Variants in ATP2B1 observed in about 807,000 individuals in gnomAD.
ATP2B1 encodes plasma membrane calcium-transporting ATPase 1.
A neutral mutation model predicts 124.2 loss-of-function variants in ATP2B1; 14 were observed. That is an observed-to-expected ratio of 0.11 (90% CI 0.07 to 0.18). The LOEUF is 0.18. Among genes scored for constraint, ATP2B1 ranks in the 10% least tolerant of loss-of-function variants. The pLI, the probability that ATP2B1 is intolerant of heterozygous loss-of-function variation, is 1.00. For missense variants in ATP2B1, 763 were observed against 1,466.1 expected, an observed-to-expected ratio of 0.52 and a Z score of 7.83; for synonymous variants, 449 against 492.4, an observed-to-expected ratio of 0.91 and a Z score of 1.17.
chr12:89,602,993 T>C (rs1281157242), intron 18 of ATP2B1, 50 bp downstream of exon 18: 2 of 1,520,760 alleles, frequency 1.3e-6, no homozygotes, highest in African/African-American at 2.7e-5. Flanking sequence ...GTTTACCTAA[T>C]GTCTCCCATT....
chr12:89,665,204 TTG>T (rs1394451609), intron 1 of ATP2B1, among the ~76,000 whole-genome samples: 5 of 152,204 alleles, frequency 3.3e-5, no homozygotes, highest in African/African-American at 9.7e-5. Context: ...GTTGATTTTT[TTG>T]TGTGTTTTGA....
chr12:89,705,660 C>A (rs1014675910), intron 1 of ATP2B1, among the ~76,000 whole-genome samples: 2 of 152,118 alleles, frequency 1.3e-5, no homozygotes, highest in Non-Finnish European at 2.9e-5. Flanking sequence ...ATCAAGGAAT[C>A]TATGAAAGTA....
chr12:89,662,137 CTTTT>C (rs74395562), intron 1 of ATP2B1, among the ~76,000 whole-genome samples: 5 of 139,186 alleles, frequency 3.6e-5, no homozygotes, highest in African/African-American at 5.2e-5. Flanking sequence ...ATCTTTCTTT[CTTTT>C]TTTTTTTTTT....
chr12:89,591,374 C>T, intron 20 of ATP2B1, 79 bp from the exon 21 acceptor site: 2 of 1,250,066 alleles, frequency 1.6e-6, no homozygotes, highest in South Asian at 2.9e-5. Context: ...AGTTTGAATC[C>T]ACAAACAGCT....
intron 1 of ATP2B1, among the ~76,000 whole-genome samples, chr12:89,664,831 T>C (rs532377571): frequency 4.0e-5 from 6 of 151,868 alleles, no homozygotes; most frequent in Admixed American, 6.6e-5. Flanking sequence ...AAATTACTTA[T>C]GGTTCTTTAT....
intron 5 of ATP2B1, among the ~76,000 whole-genome samples, chr12:89,632,526 T>C (rs1263218399): frequency 6.6e-6 from 1 of 152,220 alleles, no homozygotes; most frequent in African/African-American, 2.4e-5. Flanking sequence ...ACTCCAATTG[T>C]TTAGGTTCTA....
chr12:89,632,714 G>A (rs905220213), intron 5 of ATP2B1, among the ~76,000 whole-genome samples: 3 of 152,158 alleles, frequency 2.0e-5, no homozygotes, highest in Non-Finnish European at 4.4e-5. Context: ...AAAAATAAAT[G>A]CATGTCATGT....
At chr12:89,622,384 T>C (rs1055849158) in intron 9 of ATP2B1, among the ~76,000 whole-genome samples, 1 of 152,040 alleles carries the variant, frequency 6.6e-6, no homozygotes, top group Non-Finnish European at 1.5e-5. Context: ...GCTGGCAGAC[T>C]TGGCATTTTC....
chr12:89,685,509 C>T (rs1285546488), intron 1 of ATP2B1, among the ~76,000 whole-genome samples: 1 of 152,074 alleles, frequency 6.6e-6, no homozygotes, highest in Non-Finnish European at 1.5e-5. Context: ...GGTCCCCAGA[C>T]TAGCAGTATC....
At position 89,610,029 on chromosome 12, in the gene ATP2B1, T is replaced by C; in HGVS notation, c.2350A>G (p.Thr784Ala). The C allele has an allele frequency of 6.2e-7, 1 of 1,613,322 alleles. No individual in the cohort carries two copies. The change falls in exon 15 of 21, where the codon ACT (threonine) becomes GCT (alanine). Residue 784 changes from threonine (T) to alanine (A), a missense_variant. By Grantham distance (58) the Thr-to-Ala change is moderately conservative. Coordinates refer to ENST00000428670, the MANE Select transcript of ATP2B1 (RefSeq NM_001366521.1). ...ACAACCTGGCGTTGGTCTGAGACAG[T>C]GCTGTCAATTATACCTTAAATACAA... The part of the protein sequence containing the change: ...HTLVKGIIDS[T>A]VSDQRQVVAV...
intron 1 of ATP2B1, among the ~76,000 whole-genome samples, chr12:89,687,559 C>A (rs1428470682): frequency 6.6e-6 from 1 of 151,960 alleles, no homozygotes; most frequent in Non-Finnish European, 1.5e-5. Flanking sequence ...ATTAATCCCC[C>A]ATGGAAACTG....
chr12:89,706,458 C>T (rs1892466477), intron 1 of ATP2B1, among the ~76,000 whole-genome samples: 1 of 151,900 alleles, frequency 6.6e-6, no homozygotes, highest in African/African-American at 2.4e-5. Context: ...TTCAAACCAC[C>T]TATTAAAAGC....
At position 89,603,208 on chromosome 12, in the gene ATP2B1, A is replaced by G. The variant is rs758129782; in HGVS notation, c.2895T>C (p.His965=). ...DIDSGRNAPL[H]APPSEHYTIV... is the part of the protein sequence containing the mutation. The stretch of plus-strand genomic sequence containing the variant: ...TAGTATAATGTTCTGAAGGAGGAGC[A>G]TGCAAAGGAGCATTTCTTCCACTAT... The change falls in exon 18 of 21, where the codon CAT becomes CAC. Residue 965 remains histidine (H), a synonymous_variant. Transcript: ENST00000428670. This position sits in a 1 kb window ranked among gnomAD's most constrained non-coding sequence, Gnocchi z 4.3. The G allele has an allele frequency of 3.7e-6, 6 of 1,612,038 alleles. No individual in the cohort carries two copies. Among genetic ancestry groups the G allele is most frequent in the Non-Finnish European group, 5.1e-6 (6 of 1,179,052 alleles).
At chr12:89,642,431 C>T (rs945967270) in intron 2 of ATP2B1, 76 bp from the exon 3 acceptor site, 2 of 1,336,662 alleles carry the variant, frequency 1.5e-6, no homozygotes, top group Admixed American at 1.9e-5. Flanking sequence ...TTCAAAATAC[C>T]TCAACTCATC....
In ATP2B1 at chr12:89,595,331, C is replaced by T. The variant is rs79236536; in HGVS notation, c.3351+3786G>A. Among the ~76,000 whole-genome samples, 564 of 151,926 alleles carry T rather than the reference C, an allele frequency of 3.7e-3. 2 individuals carry two copies. Among genetic ancestry groups the T allele is most frequent in the Non-Finnish European group, 6.1e-3 (417 of 67,928 alleles). ...CAAATTTTCTCTCAATTTCTCATTT[C>T]CAGGAATGTGTATTTATTTATTCAG... On this transcript the variant is annotated intron_variant, in intron 20 of 20. Transcript: ENST00000428670.
At chr12:89,647,678 G>C (rs1448778187) in intron 2 of ATP2B1, among the ~76,000 whole-genome samples, 2 of 152,150 alleles carry the variant, frequency 1.3e-5, no homozygotes, top group African/African-American at 4.8e-5. Context: ...ACATGTACAT[G>C]TATGTATGTC....
intron 1 of ATP2B1, among the ~76,000 whole-genome samples, chr12:89,693,297 C>T (rs1565922850): frequency 2.0e-5 from 3 of 152,266 alleles, no homozygotes; most frequent in Middle Eastern, 6.8e-3. Flanking sequence ...ATGTCTTTAA[C>T]ACAGGAAGAA....
At chr12:89,687,697 T>C (rs1212347413) in intron 1 of ATP2B1, among the ~76,000 whole-genome samples, 2 of 152,156 alleles carry the variant, frequency 1.3e-5, no homozygotes, top group Admixed American at 6.6e-5. Flanking sequence ...GAGAGAAAGA[T>C]ACTAATATTT....
chr12:89,677,965 TATATATACACACACACACACAC>T lies in ATP2B1; in HGVS notation c.-221-21880_-221-21859del, dbSNP rs1198280412. On this transcript the variant is annotated intron_variant, in intron 1 of 20. Transcript: ENST00000428670. ...GGGGCATGCAGGAATTATATATATA[TATATATACACACACACACACAC>T]ACACACACACACACACACACACACA... Among the ~76,000 whole-genome samples, 55 of 112,078 alleles carry T rather than the reference TATATATACACACACACACACAC, an allele frequency of 4.9e-4. 1 individual carries two copies. Among genetic ancestry groups the T allele is most frequent in the Admixed American group, 1.3e-3 (15 of 11,312 alleles). 73.5% of individuals were successfully genotyped at this position (112,078 alleles called of 152,430 possible).
Sources: gnomAD v4.1 joint callset for allele counts (sites outside exome capture counted in the v4.1 genomes callset) on GRCh38, gnomAD v4.1.1 for gene constraint, Gnocchi (gnomAD v3.1) non-coding constraint, MANE v1.5 for transcripts, NCBI Gene and HGNC (gene_info 2026-07-23, HGNC 2026-07-21) for gene names.